CWC27: variants seen among roughly 807,000 people sequenced by gnomAD.
The protein encoded by CWC27 is spliceosome-associated protein CWC27 homolog.
In CWC27, 47 loss-of-function variants were observed where a neutral mutation model predicts 63.6. That is an observed-to-expected ratio of 0.74 (90% CI 0.58 to 0.94). The LOEUF (loss-of-function observed/expected upper bound fraction) is 0.94, where lower values mean the gene tolerates loss of function less well. CWC27 is among the 40% of genes least tolerant of loss of function. CWC27 has a pLI of 0.00. For missense variants in CWC27, 495 were observed against 554.3 expected, an observed-to-expected ratio of 0.89 and a Z score of 1.07; for synonymous variants, 175 against 179.8, an observed-to-expected ratio of 0.97 and a Z score of 0.22.
At position 64,857,512 on chromosome 5, in the gene CWC27, G is replaced by GA. The variant is rs754400559; in HGVS notation, c.939-27925dup. ...ACATAATGTCTAATTTGTTGACACT[G>GA]AAAAAAGAGTTCAAGATTATACTCA... is the stretch of plus-strand genomic sequence containing the variant. On this transcript the variant is annotated intron_variant, in intron 10 of 13. Transcript: ENST00000381070. Among the ~76,000 whole-genome samples the GA allele has an allele frequency of 5.3e-5, 8 of 152,136 alleles. No individual in the cohort carries two copies. The South Asian group carries it at 8.3e-4, about 16-fold the overall frequency.
chr5:64,905,092 T>G (rs1197685365), intron 11 of CWC27, among the ~76,000 whole-genome samples: 1 of 149,606 alleles, frequency 6.7e-6, no homozygotes, highest in Non-Finnish European at 1.5e-5. Flanking sequence ...TCCCAGCTAC[T>G]CAGGAGGCTG....
In CWC27 at chr5:65,017,062, C is replaced by T. The variant is rs138880691; in HGVS notation, c.1257-1097C>T. On this transcript the variant is annotated intron_variant, in intron 13 of 13. Transcript: ENST00000381070. ...TTTCGCCGGGCACGGTGGCTCACAC[C>T]TGTAATCCCAGCACTTTGGGAGGCC... Among the ~76,000 whole-genome samples the T allele has an allele frequency of 1.3e-3, 191 of 152,252 alleles. 1 individual carries two copies. The highest frequency in any genetic ancestry group is 4.2e-3 in the African/African-American group (176 of 41,524).
At chr5:64,810,974 T>C (rs1009578534) in intron 10 of CWC27, among the ~76,000 whole-genome samples, 2 of 152,092 alleles carry the variant, frequency 1.3e-5, no homozygotes, top group African/African-American at 4.8e-5. Flanking sequence ...TATTTGGGTG[T>C]TTCTAATGTT....
chr5:64,955,798 T>C (rs1376171519), intron 11 of CWC27, among the ~76,000 whole-genome samples: 1 of 152,208 alleles, frequency 6.6e-6, no homozygotes, highest in Non-Finnish European at 1.5e-5. Flanking sequence ...CAAATAGTTG[T>C]ACATATTTTC....
At chr5:65,011,025 T>G (rs1306589964) in intron 13 of CWC27, among the ~76,000 whole-genome samples, 1 of 152,206 alleles carries the variant, frequency 6.6e-6, no homozygotes, top group African/African-American at 2.4e-5. Context: ...CAAGCATTGC[T>G]GGCTAGTACA....
intron 13 of CWC27, among the ~76,000 whole-genome samples, chr5:65,011,796 C>A (rs912524301): frequency 9.2e-5 from 14 of 152,228 alleles, no homozygotes; most frequent in African/African-American, 3.4e-4. Context: ...CTTGCAGAGG[C>A]AGGCTGTGGG....
chr5:64,798,681 T>A (rs984560178), intron 7 of CWC27, among the ~76,000 whole-genome samples: 1 of 152,150 alleles, frequency 6.6e-6, no homozygotes, highest in Non-Finnish European at 1.5e-5. Flanking sequence ...GAAATTAAAA[T>A]CTATTTAAGA....
intron 10 of CWC27, among the ~76,000 whole-genome samples, chr5:64,847,999 G>A (rs1308532424): frequency 3.3e-5 from 5 of 151,656 alleles, no homozygotes; most frequent in Admixed American, 2.6e-4. Flanking sequence ...AAAGCTAGGA[G>A]AGAAAAAATA....
At chr5:64,916,890 AG>A (rs1233841092) in intron 11 of CWC27, among the ~76,000 whole-genome samples, 2,676 of 146,632 alleles carry the variant, frequency 0.018, 48 homozygotes, top group African/African-American at 0.052. Context: ...TAGTATTAGT[AG>A]TAGTAGTAGT....
intron 11 of CWC27, among the ~76,000 whole-genome samples, chr5:64,928,136 T>C (rs1012482876): frequency 4.7e-5 from 7 of 148,954 alleles, no homozygotes; most frequent in Non-Finnish European, 7.4e-5. Flanking sequence ...GCCTGGGTGA[T>C]AAGAGTGAAA....
intron 6 of CWC27, among the ~76,000 whole-genome samples, chr5:64,787,096 G>C (rs961550064): frequency 3.3e-5 from 5 of 152,240 alleles, no homozygotes; most frequent in South Asian, 2.1e-4. Flanking sequence ...CATGAGAACA[G>C]CTTTGGGGAC....
At chr5:64,975,666 C>A (rs1490554702) in intron 12 of CWC27, among the ~76,000 whole-genome samples, 1 of 152,022 alleles carries the variant, frequency 6.6e-6, no homozygotes, top group African/African-American at 2.4e-5. Context: ...CATGTTCCCC[C>A]TACACACACA....
intron 10 of CWC27, among the ~76,000 whole-genome samples, chr5:64,842,959 T>A (rs1745884060): frequency 6.6e-6 from 1 of 152,196 alleles, no homozygotes; most frequent in Admixed American, 6.5e-5. Context: ...TAAATCTCAG[T>A]CTTCAAGTCC....
intron 13 of CWC27, among the ~76,000 whole-genome samples, chr5:65,001,935 A>G (rs1249793293): frequency 1.3e-5 from 2 of 151,958 alleles, no homozygotes; most frequent in Non-Finnish European, 2.9e-5. Context: ...AGAATTCAGC[A>G]GTAAAGCTTG....
chr5:64,940,589 G>C (rs894175948), intron 11 of CWC27, among the ~76,000 whole-genome samples: 5 of 152,004 alleles, frequency 3.3e-5, no homozygotes, highest in Admixed American at 6.6e-5. Flanking sequence ...CTGCACCTTA[G>C]TTTTAGTATT....
At chr5:64,878,974 G>A (rs1209172119) in intron 10 of CWC27, among the ~76,000 whole-genome samples, 2 of 151,892 alleles carry the variant, frequency 1.3e-5, no homozygotes, top group East Asian at 3.8e-4. Context: ...TGGGGTATGT[G>A]TTATAAAATG....
chr5:64,797,732 C>T (rs921367063), intron 7 of CWC27, among the ~76,000 whole-genome samples: 3 of 152,080 alleles, frequency 2.0e-5, no homozygotes, highest in Non-Finnish European at 4.4e-5. Context: ...GAGGAGAAAA[C>T]TTAAAATCGC....
At chr5:64,855,746 G>C (rs911369272) in intron 10 of CWC27, among the ~76,000 whole-genome samples, 3 of 152,070 alleles carry the variant, frequency 2.0e-5, no homozygotes, top group African/African-American at 7.2e-5. Context: ...AAACTCTTCA[G>C]GTTCTCCTTT....
chr5:65,004,911 C>CACAT (rs1749813254), intron 13 of CWC27, among the ~76,000 whole-genome samples: 8 of 67,154 alleles, frequency 1.2e-4, no homozygotes, highest in Non-Finnish European at 2.9e-4. Context: ...TATATACATA[C>CACAT]ACACACACAC....
Sources: allele counts gnomAD v4.1 joint callset (sites outside exome capture counted in the v4.1 genomes callset), GRCh38; gene constraint gnomAD v4.1.1; transcripts MANE v1.5; gene names NCBI Gene and HGNC (gene_info 2026-07-23, HGNC 2026-07-21).